The following STARD3 variants were observed in gnomAD, a reference collection of about 807,000 sequenced individuals.
STARD3 encodes stAR-related lipid transfer protein 3.
In STARD3, 39 loss-of-function variants were observed where a neutral mutation model predicts 62.0. That is an observed-to-expected ratio of 0.63 (90% CI 0.49 to 0.82). The LOEUF (loss-of-function observed/expected upper bound fraction) is 0.82, where lower values mean the gene tolerates loss of function less well. STARD3 is among the 40% of genes least tolerant of loss of function. STARD3 has a pLI of 0.00. For missense variants in STARD3, 543 were observed against 584.5 expected (o/e 0.93, Z 0.73); for synonymous variants, 229 against 242.4 (o/e 0.94, Z 0.51).
At position 39,641,192 on chromosome 17, in the gene STARD3, G is replaced by T. The variant is rs368811930; in HGVS notation, c.-52+3961G>T. ...ACCCACACCCTTTCTCCTGTTCCAG[G>T]GTGGACATTACGGATCCACAGACTA... On this transcript the variant is annotated intron_variant, in intron 1 of 14. Transcript: ENST00000336308. Among the ~76,000 whole-genome samples the T allele has an allele frequency of 2.0e-5, 3 of 152,292 alleles. No individual in the cohort carries two copies. The South Asian group carries it at 6.2e-4, about 32-fold the overall frequency.
rs545134567 is a variant in STARD3 at position 39,653,842 on chromosome 17, C to T, written c.219+92C>T. ...GCCACATGGGAGGGCTGCCTCTCCCCTGGGGTTGGTTAGCTGGGTAAAATG... is the reference window on the plus strand; with the variant it reads ...GCCACATGGGAGGGCTGCCTCTCCCTTGGGGTTGGTTAGCTGGGTAAAATG... On this transcript the variant is annotated intron_variant, in intron 2 of 14. Coordinates refer to ENST00000336308, the MANE Select transcript of STARD3 (RefSeq NM_006804.4). The T allele has an allele frequency of 1.8e-5, 26 of 1,448,578 alleles. No homozygotes were observed. The African/African-American group carries it at 1.8e-4, about 10-fold the overall frequency. The allele number at this position is 1,448,578 out of a possible 1,614,324, so 89.7% of individuals were successfully genotyped here.
At chr17:39,655,952 G>A (rs1026986165) in intron 2 of STARD3, among the ~76,000 whole-genome samples, 5 of 143,802 alleles carry the variant, frequency 3.5e-5, no homozygotes, top group Non-Finnish European at 7.6e-5. Flanking sequence ...GGAAGGGGCT[G>A]CAGAGCCCAG....
intron 1 of STARD3, among the ~76,000 whole-genome samples, chr17:39,651,405 C>G (rs888310011): frequency 6.6e-6 from 1 of 152,168 alleles, no homozygotes; most frequent in African/African-American, 2.4e-5. Flanking sequence ...TCTTGCCTCC[C>G]AAGATCAGGG....
At position 39,663,950 on chromosome 17, in the gene STARD3, G is replaced by T. The variant is rs1341875001; in HGVS notation, c.*1042G>T. Among the ~76,000 whole-genome samples the T allele has an allele frequency of 6.6e-6, 1 of 152,076 alleles. No homozygotes were observed. The highest frequency in any genetic ancestry group is 1.9e-4 in the East Asian group (1 of 5,172). Reference sequence around the variant, plus strand: ...GCACTCACACCAGGGGCGGCCTGGAGCCCGGATCGCAGGGCGGGGCCAGGC... The same window carrying T: ...GCACTCACACCAGGGGCGGCCTGGATCCCGGATCGCAGGGCGGGGCCAGGC... On this transcript the variant is annotated 3_prime_UTR_variant, in exon 15 of 15. Transcript: ENST00000336308.
Position 39,638,389 on chromosome 17 carries a change from C to G in STARD3, c.-52+1158C>G, listed in dbSNP as rs556583689. 7.2e-5 allele frequency among the ~76,000 whole-genome samples: 11 copies of G among 152,326 alleles called. No homozygotes were observed. In the South Asian group the frequency reaches 2.1e-3, roughly 29 times the overall value. On this transcript the variant is annotated intron_variant, in intron 1 of 14. Transcript: ENST00000336308. ...AACCCCTAGCACAATTTACACAGCT[C>G]TCTGTGATCTGACCTAGCAGTCTCC... is the stretch of plus-strand genomic sequence containing the variant.
chr17:39,652,280 A>G (rs2057085272), intron 1 of STARD3, among the ~76,000 whole-genome samples: 1 of 152,182 alleles, frequency 6.6e-6, no homozygotes, highest in Non-Finnish European at 1.5e-5. Context: ...CCTACTGAGC[A>G]TTCATTTATT....
At position 39,660,695 on chromosome 17, in the gene STARD3, C is replaced by A; in HGVS notation, c.955-115C>A. 1 of 1,381,156 alleles carries A rather than the reference C, an allele frequency of 7.2e-7. No homozygotes were observed. The highest frequency in any genetic ancestry group is 1.0e-6 in the Non-Finnish European group (1 of 994,886). The allele number at this position is 1,381,156 out of a possible 1,614,324, so 85.6% of individuals were successfully genotyped here. A position where few individuals can be genotyped will look rare whatever the true frequency, so the allele number is the denominator to read the frequency against. Reference sequence around the variant, plus strand: ...GAGGGCAGGAGGAGTGCTCATCAGGCGCTGCCCAGGGCCTGCCTGTGGCAA... The same window carrying A: ...GAGGGCAGGAGGAGTGCTCATCAGGAGCTGCCCAGGGCCTGCCTGTGGCAA... On this transcript the variant is annotated intron_variant, in intron 11 of 14. Transcript: ENST00000336308. The surrounding 1 kb of genome is among the most constrained non-coding windows in gnomAD (Gnocchi z 4.8).
At chr17:39,638,332 C>G (rs2056953192) in intron 1 of STARD3, among the ~76,000 whole-genome samples, 1 of 152,208 alleles carries the variant, frequency 6.6e-6, no homozygotes, top group Non-Finnish European at 1.5e-5. Flanking sequence ...TTGCTGATAA[C>G]CTTTTTCTGG....
rs2057173373 is a variant in STARD3, at chr17:39,659,677, G to A, written c.795+124G>A. On this transcript the variant is annotated intron_variant, in intron 9 of 14. Coordinates refer to ENST00000336308, the MANE Select transcript of STARD3 (RefSeq NM_006804.4). ...GAGCCATATTCCTGCCCCAAGAGAG[G>A]GAGCTGGGCCCTCGGGTCGGCAGGA... 1.0e-5 allele frequency: 11 copies of A among 1,057,932 alleles called. No homozygotes were observed. In the South Asian group the frequency reaches 1.7e-4, roughly 17 times the overall value. 65.5% of individuals were successfully genotyped at this position (1,057,932 alleles called of 1,614,324 possible).
intron 1 of STARD3, among the ~76,000 whole-genome samples, chr17:39,637,872 G>A (rs1480678007): frequency 6.6e-6 from 1 of 152,096 alleles, no homozygotes; most frequent in African/African-American, 2.4e-5. Context: ...TCTGTACACT[G>A]AATCTCAGTG....
At chr17:39,658,061 A>C in intron 5 of STARD3, 35 bp downstream of exon 5, 1 of 1,548,584 alleles carries the variant, frequency 6.5e-7, no homozygotes. Context: ...TCTGGTGGGC[A>C]TCAGACCTGA....
Position 39,659,668 on chromosome 17 carries a change from C to T in STARD3, c.795+115C>T. Reference sequence around the variant, plus strand: ...CATGGGTTGGAGCCATATTCCTGCCCCAAGAGAGGGAGCTGGGCCCTCGGG... The same window carrying T: ...CATGGGTTGGAGCCATATTCCTGCCTCAAGAGAGGGAGCTGGGCCCTCGGG... On this transcript the variant is annotated intron_variant, in intron 9 of 14. Transcript: ENST00000336308. 5.3e-6 allele frequency: 6 copies of T among 1,142,576 alleles called. No homozygotes were observed. In the South Asian group the frequency reaches 8.8e-5, roughly 17 times the overall value. 70.8% of individuals were successfully genotyped at this position (1,142,576 alleles called of 1,614,324 possible).
At chr17:39,644,686 A>AG (rs1555604054) in intron 1 of STARD3, among the ~76,000 whole-genome samples, 174 of 151,066 alleles carry the variant, frequency 1.2e-3, no homozygotes, top group African/African-American at 3.2e-3. Flanking sequence ...AAAAAAAAAA[A>AG]AAGAAGAAGA....
chr17:39,647,319 C>T (rs933186847), intron 1 of STARD3, among the ~76,000 whole-genome samples: 1 of 152,190 alleles, frequency 6.6e-6, no homozygotes, highest in South Asian at 2.1e-4. Context: ...CCCAGGCAGA[C>T]TCTTTCACAC....
chr17:39,653,773 C>T (rs756650763), intron 2 of STARD3, 23 bp downstream of exon 2: 1 of 1,613,122 alleles, frequency 6.2e-7, no homozygotes, highest in South Asian at 1.1e-5. Flanking sequence ...GAGGTGGGGG[C>T]ACAGGCCATG....
At position 39,659,472 on chromosome 17, in the gene STARD3, C is replaced by T. The variant is rs1384042325; in HGVS notation, c.714C>T (p.Tyr238=). 6.2e-7 allele frequency: 1 copy of T among 1,613,994 alleles called. No homozygotes were observed. Among genetic ancestry groups the T allele is most frequent in the African/African-American group, 1.3e-5 (1 of 74,950 alleles). Residue 238 remains tyrosine, a synonymous_variant, in exon 9 of 15, where the codon TAC becomes TAT. Coordinates refer to ENST00000336308, the MANE Select transcript of STARD3 (RefSeq NM_006804.4). ...KKSFSAQERE[Y]IRQGKEATAV... ...CTGCTTCCGTCCAGGAGCGGGAGTA[C>T]ATCCGCCAGGGGAAGGAGGCCACGG...
chr17:39,646,775 G>A (rs2057029914), intron 1 of STARD3, among the ~76,000 whole-genome samples: 2 of 152,212 alleles, frequency 1.3e-5, no homozygotes, highest in African/African-American at 4.8e-5. Flanking sequence ...CCTAGGGTGA[G>A]GAAGAGAAGG....
At chr17:39,637,999 T>C (rs917453808) in intron 1 of STARD3, among the ~76,000 whole-genome samples, 1 of 152,220 alleles carries the variant, frequency 6.6e-6, no homozygotes, top group Non-Finnish European at 1.5e-5. Context: ...TTGGGACAGC[T>C]CTGCTTCACA....
intron 1 of STARD3, among the ~76,000 whole-genome samples, chr17:39,644,665 G>C (rs1378004490): frequency 3.0e-5 from 3 of 99,626 alleles, no homozygotes; most frequent in Non-Finnish European, 4.2e-5. Context: ...GTGAGACCCT[G>C]TCTCTACAAA....
Sources: gnomAD v4.1 joint callset for allele counts (sites outside exome capture counted in the v4.1 genomes callset) on GRCh38, gnomAD v4.1.1 for gene constraint, Gnocchi (gnomAD v3.1) non-coding constraint, MANE v1.5 for transcripts, NCBI Gene and HGNC (gene_info 2026-07-23, HGNC 2026-07-21) for gene names.